KCNK2: variants seen among roughly 807,000 people sequenced by gnomAD.
KCNK2 encodes potassium channel subfamily K member 2.
KCNK2 carries 21 observed loss-of-function variants against 40.5 expected under a neutral mutation model. The ratio of observed to expected loss-of-function variants is 0.52; its 90% confidence interval spans 0.37 to 0.75. KCNK2 has a LOEUF of 0.75. Among genes scored for constraint, KCNK2 ranks in the 30% least tolerant of loss-of-function variants. The pLI is 0.00. For missense variants in KCNK2, 399 were observed against 531.6 expected, an observed-to-expected ratio of 0.75 and a Z score of 2.45; for synonymous variants, 191 against 202.2, an observed-to-expected ratio of 0.94 and a Z score of 0.47.
intron 5 of KCNK2, among the ~76,000 whole-genome samples, chr1:215,173,655 C>T (rs370045017): frequency 4.1e-4 from 62 of 152,240 alleles, no homozygotes; most frequent in Admixed American, 1.2e-3. Flanking sequence ...TTTTAATGAT[C>T]GCCATTCTAA....
chr1:215,166,967 GAAAA>G (rs113149111), intron 3 of KCNK2, among the ~76,000 whole-genome samples: 1 of 149,948 alleles, frequency 6.7e-6, no homozygotes, highest in Non-Finnish European at 1.5e-5. Flanking sequence ...CAGGCTAATG[GAAAA>G]AAAAAGTCAA....
intron 3 of KCNK2, among the ~76,000 whole-genome samples, chr1:215,160,687 A>C (rs1338523601): frequency 6.6e-6 from 1 of 152,070 alleles, no homozygotes; most frequent in Non-Finnish European, 1.5e-5. Context: ...TCCTTTTATA[A>C]CCAGTCTCTT....
chr1:215,187,652 A>C (rs1189167518), intron 5 of KCNK2, among the ~76,000 whole-genome samples: 1 of 152,108 alleles, frequency 6.6e-6, no homozygotes, highest in Non-Finnish European at 1.5e-5. Context: ...TAGCTCCTTT[A>C]ATATAAACCC....
intron 6 of KCNK2, among the ~76,000 whole-genome samples, chr1:215,209,060 C>G (rs1347201581): frequency 1.3e-5 from 2 of 151,308 alleles, no homozygotes; most frequent in South Asian, 4.2e-4. Flanking sequence ...CTCCTGACCT[C>G]AAGCGATCCA....
At chr1:215,233,848 T>A (rs1035707385) in intron 6 of KCNK2, among the ~76,000 whole-genome samples, 2 of 152,210 alleles carry the variant, frequency 1.3e-5, no homozygotes, top group Non-Finnish European at 2.9e-5. Context: ...AAGATTCCCA[T>A]ACAATTGGTC....
chr1:215,016,046 A>G (rs1054616565), intron 1 of KCNK2, among the ~76,000 whole-genome samples: 1 of 152,206 alleles, frequency 6.6e-6, no homozygotes, highest in Admixed American at 6.5e-5. Flanking sequence ...ATGTGTATGT[A>G]TAATCAAAAC....
At chr1:215,188,266 A>C (rs376260225) in intron 5 of KCNK2, among the ~76,000 whole-genome samples, 9 of 152,218 alleles carry the variant, frequency 5.9e-5, no homozygotes, top group African/African-American at 1.7e-4. Context: ...GGTACAATAC[A>C]ATTTGGGACT....
intron 1 of KCNK2, among the ~76,000 whole-genome samples, chr1:215,008,864 C>CTT (rs562196009): frequency 1.3e-5 from 2 of 150,844 alleles, no homozygotes; most frequent in Admixed American, 1.3e-4. Flanking sequence ...AGAATGCATG[C>CTT]TTTTTTTTTA....
intron 3 of KCNK2, among the ~76,000 whole-genome samples, chr1:215,139,365 A>C (rs539865708): frequency 6.6e-6 from 1 of 152,270 alleles, no homozygotes; most frequent in African/African-American, 2.4e-5. Context: ...ATTTTAAAAA[A>C]TCATTCGTTG....
In KCNK2 at chr1:215,054,321, T is replaced by A. The variant is rs376193018; in HGVS notation, c.35-32047T>A. 1.5e-3 allele frequency among the ~76,000 whole-genome samples: 233 copies of A among 152,290 alleles called. 1 individual carries two copies. The highest frequency in any genetic ancestry group is 5.3e-3 in the African/African-American group (220 of 41,560). ...AAGAGTTACTTACACACAGCTCCTT[T>A]TAAATGTTAGCTCTGATTGCAGAAA... On this transcript the variant is annotated intron_variant, in intron 1 of 6. Coordinates refer to the KCNK2 transcript ENST00000391895.
chr1:215,199,095 G>A (rs1664981013), intron 6 of KCNK2, among the ~76,000 whole-genome samples: 1 of 152,012 alleles, frequency 6.6e-6, no homozygotes, highest in Non-Finnish European at 1.5e-5. Flanking sequence ...ATCACCAGAG[G>A]TCAGGAGTTT....
At chr1:215,052,299 G>A (rs1658018951) in intron 1 of KCNK2, among the ~76,000 whole-genome samples, 3 of 152,102 alleles carry the variant, frequency 2.0e-5, no homozygotes, top group Admixed American at 2.0e-4. Flanking sequence ...TTTAAGAAGA[G>A]AAATGACATA....
intron 6 of KCNK2, among the ~76,000 whole-genome samples, chr1:215,223,550 A>G (rs542104472): frequency 2.6e-5 from 4 of 152,308 alleles, no homozygotes; most frequent in African/African-American, 7.2e-5. Context: ...GACCTTGTAC[A>G]TAAAGTGAGA....
intron 1 of KCNK2, among the ~76,000 whole-genome samples, chr1:215,049,681 GTTTAGA>G (rs1359073454): frequency 4.6e-5 from 7 of 152,104 alleles, no homozygotes; most frequent in Non-Finnish European, 8.8e-5. Flanking sequence ...AAAATATGAG[GTTTAGA>G]TTTAGGTTAT....
intron 2 of KCNK2, among the ~76,000 whole-genome samples, chr1:215,110,283 T>C (rs947172353): frequency 6.6e-6 from 1 of 152,130 alleles, no homozygotes; most frequent in Non-Finnish European, 1.5e-5. Context: ...ATAACATTTT[T>C]GCCTCGATCA....
chr1:215,040,910 G>T (rs944376978), intron 1 of KCNK2, among the ~76,000 whole-genome samples: 1 of 152,126 alleles, frequency 6.6e-6, no homozygotes, highest in Non-Finnish European at 1.5e-5. Flanking sequence ...TGTGTGGAGG[G>T]CTCTTTAGTC....
intron 1 of KCNK2, among the ~76,000 whole-genome samples, chr1:215,061,620 G>A (rs1352287869): frequency 1.3e-5 from 2 of 152,088 alleles, no homozygotes; most frequent in South Asian, 2.1e-4. Context: ...AGTCTGTCAA[G>A]TATGCAAATT....
chr1:215,106,504 G>T (rs1233381537), intron 2 of KCNK2, among the ~76,000 whole-genome samples: 2 of 151,886 alleles, frequency 1.3e-5, no homozygotes, highest in Non-Finnish European at 2.9e-5. Context: ...TTGGATGCAT[G>T]GTTTGAGAAT....
intron 3 of KCNK2, among the ~76,000 whole-genome samples, chr1:215,153,998 T>G (rs894521840): frequency 6.6e-6 from 1 of 152,218 alleles, no homozygotes; most frequent in African/African-American, 2.4e-5. Context: ...CTATCATTGA[T>G]GGGCATTTGG....
Sources: allele counts gnomAD v4.1 joint callset (sites outside exome capture counted in the v4.1 genomes callset), GRCh38; gene constraint gnomAD v4.1.1; transcripts MANE v1.5; gene names NCBI Gene and HGNC (gene_info 2026-07-23, HGNC 2026-07-21).